ZNF407: variants seen among roughly 807,000 people sequenced by gnomAD.
The protein encoded by ZNF407 is zinc finger protein 407.
In ZNF407, 17 loss-of-function variants were observed where a neutral mutation model predicts 131.2. That is an observed-to-expected ratio of 0.13 (90% confidence interval 0.09 to 0.19). The LOEUF (loss-of-function observed/expected upper bound fraction) is 0.19. ZNF407 is among the 10% of genes least tolerant of loss of function. The pLI is 1.00. For synonymous variants in ZNF407, 1,156 were observed against 1,062.0 expected, an observed-to-expected ratio of 1.09 and a Z score of -1.72; for missense variants, 2,681 against 2,830.6, an observed-to-expected ratio of 0.95 and a Z score of 1.20.
At chr18:74,719,395 TTA>T (rs1196727691) in intron 3 of ZNF407, among the ~76,000 whole-genome samples, 1 of 152,064 alleles carries the variant, frequency 6.6e-6, no homozygotes, top group Non-Finnish European at 1.5e-5. Context: ...GCTTACTTAC[TTA>T]CTTACTTACT....
At chr18:74,618,478 A>G (rs1475289664) in intron 1 of ZNF407, among the ~76,000 whole-genome samples, 1 of 152,180 alleles carries the variant, frequency 6.6e-6, no homozygotes, top group African/African-American at 2.4e-5. Context: ...AGTGTCTCTG[A>G]CTGTTAAAAC....
intron 3 of ZNF407, among the ~76,000 whole-genome samples, chr18:74,715,080 C>G (rs912703001): frequency 6.6e-5 from 10 of 152,122 alleles, no homozygotes; most frequent in Admixed American, 6.5e-4. Context: ...GAACCAGTTA[C>G]CTTTACCAGT....
chr18:74,979,178 CTCTG>C (rs1322106031), intron 8 of ZNF407, among the ~76,000 whole-genome samples: 2 of 152,074 alleles, frequency 1.3e-5, no homozygotes, highest in Non-Finnish European at 2.9e-5. Flanking sequence ...TCCTACACAC[CTCTG>C]TAGAGTCTAC....
At chr18:74,929,085 T>G (rs560778351) in intron 8 of ZNF407, among the ~76,000 whole-genome samples, 2 of 152,274 alleles carry the variant, frequency 1.3e-5, no homozygotes, top group East Asian at 1.9e-4. Context: ...CCGAACTGGC[T>G]CTCAGGCTCC....
chr18:74,940,759 G>T (rs544974161), intron 8 of ZNF407, among the ~76,000 whole-genome samples: 2 of 152,130 alleles, frequency 1.3e-5, no homozygotes, highest in Non-Finnish European at 2.9e-5. Context: ...TGTCTGCGGC[G>T]CACAGCTTGG....
rs1291800770 is a variant in ZNF407, at chr18:74,649,005, TG to T, written c.4802+7884del. Reference sequence around the variant, plus strand: ...CCCTGTCACTTTTCTTCTGAGACCCTGTCTCCTCTTTCCCCTGCCTTAGCAT... The same window carrying T: ...CCCTGTCACTTTTCTTCTGAGACCCTTCTCCTCTTTCCCCTGCCTTAGCAT... On this transcript the variant is annotated intron_variant, in intron 3 of 8. Coordinates refer to ENST00000299687, the MANE Select transcript of ZNF407 (RefSeq NM_017757.3). Among the ~76,000 whole-genome samples, 11 of 152,346 alleles carry T rather than the reference TG, an allele frequency of 7.2e-5. 1 individual carries two copies. The highest frequency in any genetic ancestry group is 2.6e-4 in the African/African-American group (11 of 41,570).
chr18:74,725,828 G>A (rs1162103803), intron 3 of ZNF407, among the ~76,000 whole-genome samples: 2 of 152,152 alleles, frequency 1.3e-5, no homozygotes, highest in East Asian at 3.8e-4. Context: ...ACTTGTTAAT[G>A]TTTGGTTAAA....
chr18:74,928,278 G>A (rs1237657718), intron 8 of ZNF407, among the ~76,000 whole-genome samples: 2 of 152,166 alleles, frequency 1.3e-5, no homozygotes, highest in Non-Finnish European at 2.9e-5. Flanking sequence ...TTGGCAATTG[G>A]TTAAGTTAAC....
intron 3 of ZNF407, among the ~76,000 whole-genome samples, chr18:74,752,578 C>T (rs958836383): frequency 6.6e-6 from 1 of 152,158 alleles, no homozygotes; most frequent in African/African-American, 2.4e-5. Flanking sequence ...GATCCAGTTT[C>T]AGCTTTCTAC....
At chr18:74,602,229 C>A (rs1982616833) in intron 1 of ZNF407, among the ~76,000 whole-genome samples, 1 of 152,102 alleles carries the variant, frequency 6.6e-6, no homozygotes, top group South Asian at 2.1e-4. Flanking sequence ...GGAATTACAG[C>A]CTCCCTAAAT....
At chr18:74,769,036 G>A (rs981457332) in intron 3 of ZNF407, among the ~76,000 whole-genome samples, 4 of 151,986 alleles carry the variant, frequency 2.6e-5, no homozygotes, top group Non-Finnish European at 4.4e-5. Flanking sequence ...ATTGCAGTGG[G>A]CTAACAATTC....
At chr18:74,911,814 GA>G (rs1317675546) in intron 7 of ZNF407, among the ~76,000 whole-genome samples, 2 of 152,140 alleles carry the variant, frequency 1.3e-5, no homozygotes, top group Non-Finnish European at 2.9e-5. Flanking sequence ...AATCACCTAG[GA>G]AATAGGAATT....
intron 8 of ZNF407, chr18:75,062,921 A>G (rs1217086681): frequency 4.5e-6 from 2 of 439,836 alleles, no homozygotes; most frequent in Non-Finnish European, 8.0e-6. Flanking sequence ...CTGTGGGGAA[A>G]TGCACACCCA....
At position 74,634,895 on chromosome 18, in the gene ZNF407, A is replaced by G. The variant is rs1379006095; in HGVS notation, c.3876A>G (p.Glu1292=). The change falls in exon 2 of 9, where the codon GAA becomes GAG. Residue 1292 remains glutamate, a synonymous_variant. Transcript: ENST00000299687. ...QNRVARGHGL[E]DLKGVQEDPV... Reference sequence around the variant, plus strand: ...GAGTTGCACGTGGGCATGGTTTGGAAGACTTGAAAGGTGTCCAAGAAGATC... The same window carrying G: ...GAGTTGCACGTGGGCATGGTTTGGAGGACTTGAAAGGTGTCCAAGAAGATC... 6.2e-7 allele frequency: 1 copy of G among 1,613,626 alleles called. No individual in the cohort carries two copies. The highest frequency in any genetic ancestry group is 1.1e-5 in the South Asian group (1 of 91,032).
At chr18:74,811,888 G>C (rs969199242) in intron 4 of ZNF407, among the ~76,000 whole-genome samples, 1 of 150,524 alleles carries the variant, frequency 6.6e-6, no homozygotes, top group African/African-American at 2.5e-5. Flanking sequence ...GTAAGGGGAA[G>C]GGGGAGGGGG....
chr18:74,839,578 A>G (rs747196022), intron 4 of ZNF407, among the ~76,000 whole-genome samples: 1 of 152,186 alleles, frequency 6.6e-6, no homozygotes, highest in African/African-American at 2.4e-5. Context: ...CACATCTACA[A>G]ATACCTTTAG....
At chr18:74,996,833 TGTAAA>T (rs909624329) in intron 8 of ZNF407, among the ~76,000 whole-genome samples, 7 of 152,254 alleles carry the variant, frequency 4.6e-5, no homozygotes, top group African/African-American at 9.6e-5. Context: ...TTATTACAGA[TGTAAA>T]GTAAAGACTA....
intron 3 of ZNF407, among the ~76,000 whole-genome samples, chr18:74,740,190 T>C (rs1968516289): frequency 6.6e-6 from 1 of 152,200 alleles, no homozygotes; most frequent in African/African-American, 2.4e-5. Flanking sequence ...CAGTTTCTGG[T>C]GGCTGACAGC....
chr18:74,818,273 G>A (rs983618491), intron 4 of ZNF407, among the ~76,000 whole-genome samples: 7 of 152,264 alleles, frequency 4.6e-5, no homozygotes, highest in East Asian at 3.9e-4. Flanking sequence ...GCGCCATCCC[G>A]GAACCTGTGA....
Sources: gnomAD v4.1 joint callset for allele counts (sites outside exome capture counted in the v4.1 genomes callset) on GRCh38, gnomAD v4.1.1 for gene constraint, MANE v1.5 for transcripts, NCBI Gene and HGNC (gene_info 2026-07-23, HGNC 2026-07-21) for gene names.